PTPRF: variants seen among roughly 807,000 people sequenced by gnomAD.
PTPRF encodes the protein protein tyrosine phosphatase receptor type F, also known as receptor-type tyrosine-protein phosphatase F.
PTPRF carries 59 observed loss-of-function variants against 201.8 expected under a neutral mutation model. The ratio of observed to expected loss-of-function variants is 0.29; its 90% CI spans 0.24 to 0.36. The LOEUF is 0.36. Ranked by LOEUF, PTPRF falls within the 10% of genes least tolerant of loss-of-function variation. The probability of loss-of-function intolerance (pLI) is 1.00; values close to 1 mark genes in which losing one functional copy is unlikely to be tolerated. For missense variants in PTPRF, 2,132 were observed against 2,690.5 expected (o/e 0.79, Z 4.59); for synonymous variants, 1,088 against 1,089.7 (o/e 1.00, Z 0.03).
chr1:43,539,791 G>T (rs993888864), intron 2 of PTPRF, among the ~76,000 whole-genome samples: 1 of 152,164 alleles, frequency 6.6e-6, no homozygotes, highest in African/African-American at 2.4e-5. Flanking sequence ...CTGTCCTCTC[G>T]GGAGGCCACT....
upstream of PTPRF, among the ~76,000 whole-genome samples, chr1:43,529,752 A>G (rs1178638055): frequency 6.6e-6 from 1 of 152,168 alleles, no homozygotes; most frequent in African/African-American, 2.4e-5. Flanking sequence ...ATTGAAGCTC[A>G]TCAAATCCCT....
chr1:43,609,562 G>A (rs1370196297), intron 22 of PTPRF, 64 bp downstream of exon 22: 6 of 1,256,910 alleles, frequency 4.8e-6, no homozygotes, highest in Non-Finnish European at 6.8e-6. Flanking sequence ...GGTCTGTTCT[G>A]CAGGTCTCAG....
At chr1:43,574,806 C>T (rs919031464) in intron 6 of PTPRF, among the ~76,000 whole-genome samples, 3 of 152,226 alleles carry the variant, frequency 2.0e-5, no homozygotes, top group African/African-American at 7.2e-5. Context: ...GCAGCCTCAT[C>T]CTGTGGGCAG....
chr1:43,600,972 C>T (rs1488776956), intron 13 of PTPRF, among the ~76,000 whole-genome samples: 2 of 152,302 alleles, frequency 1.3e-5, no homozygotes, highest in Non-Finnish European at 2.9e-5. Flanking sequence ...CAGGTCTCCC[C>T]GCAGGCAAGG....
chr1:43,588,488 A>C lies in PTPRF; in HGVS notation c.680-243A>C, dbSNP rs956108684. ...GGCTATAAAATGGGAGCTTGGTTGC[A>C]AGATCTCTCATTGAGTAAGTCATCG... On this transcript the variant is annotated intron_variant, in intron 7 of 33. Transcript: ENST00000359947. This position sits in a 1 kb window ranked among gnomAD's most constrained non-coding sequence, Gnocchi z 5.3. 6.6e-6 allele frequency among the ~76,000 whole-genome samples: 1 copy of C among 152,182 alleles called. No homozygotes were observed. Among genetic ancestry groups the C allele is most frequent in the Non-Finnish European group, 1.5e-5 (1 of 68,028 alleles).
chr1:43,544,677 G>A (rs1165540746), intron 2 of PTPRF, among the ~76,000 whole-genome samples: 1 of 152,212 alleles, frequency 6.6e-6, no homozygotes, highest in East Asian at 1.9e-4. Flanking sequence ...TCTTATGGGG[G>A]TGAGTTAGAA....
intron 12 of PTPRF, chr1:43,598,442 C>T (rs1652922758): frequency 2.0e-6 from 1 of 508,504 alleles, no homozygotes; most frequent in Admixed American, 3.6e-5. Flanking sequence ...GGTCAAAGAC[C>T]TGGTGCCCCA....
chr1:43,589,021 A>G, intron 8 of PTPRF, 21 bp downstream of exon 8: 1 of 1,522,136 alleles, frequency 6.6e-7, no homozygotes, highest in Non-Finnish European at 8.8e-7. Flanking sequence ...CAGGTGCTGT[A>G]ACCAGTGCCC....
intron 3 of PTPRF, among the ~76,000 whole-genome samples, chr1:43,550,941 G>A (rs1011880471): frequency 6.6e-6 from 1 of 152,222 alleles, no homozygotes; most frequent in Non-Finnish European, 1.5e-5. Flanking sequence ...CAGGGAACAT[G>A]ACGTTGCTCT....
intron 5 of PTPRF, among the ~76,000 whole-genome samples, chr1:43,568,003 T>C (rs995454013): frequency 6.6e-6 from 1 of 152,036 alleles, no homozygotes; most frequent in African/African-American, 2.4e-5. Context: ...CCTTGAAAAT[T>C]GGTGGTTTGG....
At chr1:43,580,972 C>T (rs1160260612) in intron 7 of PTPRF, among the ~76,000 whole-genome samples, 4 of 152,260 alleles carry the variant, frequency 2.6e-5, no homozygotes, top group African/African-American at 9.6e-5. Context: ...TGGACCCCCG[C>T]ATTGTCCTCT....
intron 5 of PTPRF, among the ~76,000 whole-genome samples, chr1:43,556,234 G>T (rs960956086): frequency 6.6e-6 from 1 of 152,002 alleles, no homozygotes; most frequent in Admixed American, 6.6e-5. Context: ...TACTCTTTTT[G>T]TTGTTGTTGT....
rs767492620 is a variant in PTPRF, at chr1:43,618,601, T to C, written c.4372-29T>C. The stretch of plus-strand genomic sequence containing the variant: ...TGCCCGTCTGAGCCTGTGGGCTTCC[T>C]TCAGCCTGCCCTGCTCATCCTCCTG... On this transcript the variant is annotated intron_variant, in intron 25 of 33. Coordinates refer to ENST00000359947, the MANE Select transcript of PTPRF (RefSeq NM_002840.5). The C allele has an allele frequency of 2.5e-6, 4 of 1,582,760 alleles. No homozygotes were observed. The South Asian group carries it at 4.5e-5, about 18-fold the overall frequency.
chr1:43,591,927 G>C lies in PTPRF; in HGVS notation c.1647G>C (p.Ala549=). 6 of 1,613,674 alleles carry C rather than the reference G, an allele frequency of 3.7e-6. No homozygotes were observed. Among genetic ancestry groups the C allele is most frequent in the Non-Finnish European group, 5.1e-6 (6 of 1,179,982 alleles). The change falls in exon 10 of 34, where the codon GCG becomes GCC. Residue 549 remains alanine, a synonymous_variant. Transcript: ENST00000359947. ...RIIMYELVYW[A]AEDEDQQHKV... is the part of the protein sequence containing the mutation. ...TCATGTATGAACTGGTGTACTGGGC[G>C]GCAGAGGACGAAGACCAACAGGTGT... is the stretch of plus-strand genomic sequence containing the variant.
At chr1:43,527,364 A>G (rs1169114221), upstream of PTPRF, among the ~76,000 whole-genome samples, 1 of 152,204 alleles carries the variant, frequency 6.6e-6, no homozygotes, top group Non-Finnish European at 1.5e-5. Flanking sequence ...CTCCTTCAGC[A>G]GCTATCACGC....
At chr1:43,544,640 C>T (rs1051430624) in intron 2 of PTPRF, among the ~76,000 whole-genome samples, 12 of 152,316 alleles carry the variant, frequency 7.9e-5, no homozygotes, top group African/African-American at 2.4e-4. Context: ...CCCACGTAAG[C>T]GTCTCTCTGA....
chr1:43,541,572 G>A (rs1027833500), intron 2 of PTPRF, among the ~76,000 whole-genome samples: 1 of 152,168 alleles, frequency 6.6e-6, no homozygotes, highest in Non-Finnish European at 1.5e-5. Context: ...AGCCAGACAT[G>A]GGGTTGGCAA....
chr1:43,608,230 G>C (rs1401473176), intron 21 of PTPRF, among the ~76,000 whole-genome samples: 1 of 152,220 alleles, frequency 6.6e-6, no homozygotes, highest in Non-Finnish European at 1.5e-5. Flanking sequence ...CATATAAGGG[G>C]CCTGCAGGGT....
At chr1:43,573,565 C>T (rs934051824) in intron 6 of PTPRF, among the ~76,000 whole-genome samples, 1 of 152,210 alleles carries the variant, frequency 6.6e-6, no homozygotes, top group African/African-American at 2.4e-5. Context: ...AAGAGCCTGT[C>T]CCCACCCCAC....
Sources: gnomAD v4.1 joint callset for allele counts (sites outside exome capture counted in the v4.1 genomes callset) on GRCh38, gnomAD v4.1.1 for gene constraint, Gnocchi (gnomAD v3.1) non-coding constraint, MANE v1.5 for transcripts, NCBI Gene and HGNC (gene_info 2026-07-23, HGNC 2026-07-21) for gene names.